The following HMGB1 variants were observed in gnomAD, a reference collection of about 807,000 sequenced individuals.
The protein encoded by HMGB1 is high mobility group protein B1.
For missense variants in HMGB1, 79 were observed against 253.5 expected (o/e 0.31, Z 4.67); for synonymous variants, 81 against 84.0 (o/e 0.96, Z 0.19).
intron 1 of HMGB1, among the ~76,000 whole-genome samples, chr13:30,546,601 A>G (rs1869170211): frequency 6.6e-6 from 1 of 152,162 alleles, no homozygotes; most frequent in South Asian, 2.1e-4. Context: ...CTCCCAGTTC[A>G]GCCTTCTGAG....
chr13:30,554,355 T>G, intron 1 of HMGB1: 1 of 854,360 alleles, frequency 1.2e-6, no homozygotes, highest in South Asian at 1.3e-5. Context: ...TTCTCTCTGG[T>G]AGACGCTTGT....
At chr13:30,490,203 A>G (rs1593272277) in intron 1 of HMGB1, among the ~76,000 whole-genome samples, 1 of 152,152 alleles carries the variant, frequency 6.6e-6, no homozygotes, top group Admixed American at 6.6e-5. Context: ...CAGGTATCCC[A>G]AATACTTTTT....
At chr13:30,538,479 TTTCTTTCTTTCTTTCTTTCTTTCTTTC>T in intron 1 of HMGB1, among the ~76,000 whole-genome samples, 1 of 32,312 alleles carries the variant, frequency 3.1e-5, no homozygotes, top group African/African-American at 9.3e-5. Context: ...TCTTTCTTTC[TTTCTTTCTTTCTTTCTTTCTTTCTTTC>T]TTTCCTTTCT....
At chr13:30,462,307 G>A (rs865784318) in intron 4 of HMGB1, 10 of 544,846 alleles carry the variant, frequency 1.8e-5, no homozygotes, top group Middle Eastern at 4.3e-4. Context: ...AGATACTGGG[G>A]AATAACAAAA....
intron 1 of HMGB1, among the ~76,000 whole-genome samples, chr13:30,557,354 C>T (rs77926271): frequency 9.2e-4 from 140 of 152,290 alleles, no homozygotes; most frequent in African/African-American, 3.2e-3. Context: ...TCCTCCTCAA[C>T]GCGAGTTCCA....
chr13:30,548,304 T>A (rs919664542), intron 1 of HMGB1, among the ~76,000 whole-genome samples: 1 of 152,136 alleles, frequency 6.6e-6, no homozygotes, highest in Non-Finnish European at 1.5e-5. Flanking sequence ...CCTGTCGCCA[T>A]GTAAAGAAAG....
intron 1 of HMGB1, among the ~76,000 whole-genome samples, chr13:30,522,063 C>G (rs1327544369): frequency 6.7e-6 from 1 of 150,166 alleles, no homozygotes; most frequent in Non-Finnish European, 1.5e-5. Flanking sequence ...CTGACTTGCT[C>G]AAGATAGCTT....
At chr13:30,538,672 C>CT (rs1555238874) in intron 1 of HMGB1, among the ~76,000 whole-genome samples, 3 of 17,570 alleles carry the variant, frequency 1.7e-4, no homozygotes, top group African/African-American at 2.3e-4. Context: ...TCCTTTCTTT[C>CT]TTTCTTTCTT....
intron 1 of HMGB1, among the ~76,000 whole-genome samples, chr13:30,538,664 CT>C (rs1459047420): frequency 1.1e-4 from 1 of 8,890 alleles, no homozygotes; most frequent in Non-Finnish European, 2.5e-4. Context: ...TCTTTCTTTC[CT>C]TTCTTTCTTT....
In HMGB1 at chr13:30,462,778, ACACTG is replaced by A; in HGVS notation, c.297-71_297-67del. On this transcript the variant is annotated intron_variant, in intron 3 of 4. Coordinates refer to ENST00000341423, the MANE Select transcript of HMGB1 (RefSeq NM_002128.7). ...CACAAAAACAAATACTATCAAGTGTACACTGCATTGCTATTTAAAGCTGCCTGTGA... is the reference window on the plus strand; with the variant it reads ...CACAAAAACAAATACTATCAAGTGTACATTGCTATTTAAAGCTGCCTGTGA... The A allele has an allele frequency of 2.3e-6, 3 of 1,305,348 alleles. No individual in the cohort carries two copies. The South Asian group carries it at 3.7e-5, about 16-fold the overall frequency. 80.9% of individuals were successfully genotyped at this position (1,305,348 alleles called of 1,614,324 possible).
intron 1 of HMGB1, among the ~76,000 whole-genome samples, chr13:30,537,486 T>C (rs1340801660): frequency 2.0e-5 from 3 of 151,856 alleles, no homozygotes; most frequent in East Asian, 1.9e-4. Context: ...TCCAGTACCA[T>C]AGATCAGATT....
intron 1 of HMGB1, among the ~76,000 whole-genome samples, chr13:30,528,756 C>T (rs866463990): frequency 1.3e-5 from 2 of 152,122 alleles, no homozygotes; most frequent in Middle Eastern, 3.4e-3. Context: ...GGGCCGGGCG[C>T]GGTGGCTCAC....
At chr13:30,610,948 A>C (rs1950507609) in intron 1 of HMGB1, among the ~76,000 whole-genome samples, 1 of 152,196 alleles carries the variant, frequency 6.6e-6, no homozygotes, top group African/African-American at 2.4e-5. Context: ...TTTTTATCTA[A>C]TGAATAATGT....
intron 1 of HMGB1, chr13:30,553,768 T>G (rs747806290): frequency 5.0e-6 from 7 of 1,389,614 alleles, no homozygotes; most frequent in Non-Finnish European, 7.1e-6. Context: ...CATGACTATC[T>G]TCATAGAGTG....
intron 1 of HMGB1, among the ~76,000 whole-genome samples, chr13:30,528,762 C>T (rs1182922704): frequency 6.6e-6 from 1 of 152,096 alleles, no homozygotes; most frequent in Non-Finnish European, 1.5e-5. Context: ...GGCGCGGTGG[C>T]TCACTCCTGT....
chr13:30,524,764 C>G (rs1466728681), intron 1 of HMGB1, among the ~76,000 whole-genome samples: 1 of 130,048 alleles, frequency 7.7e-6, no homozygotes. Context: ...CTAACTGAAA[C>G]TGGTATATGA....
Position 30,457,393 on chromosome 13 carries a change from A to AC in HMGB1, c.*3963dup, listed in dbSNP as rs968261103. On this transcript the variant is annotated 3_prime_UTR_variant, in exon 5 of 5. Coordinates refer to ENST00000341423, the MANE Select transcript of HMGB1 (RefSeq NM_002128.7). ...TCATACTATTGCAGATTTTATTCCT[A>AC]CTTCCTTCTTTTCAGTGGATGCCCA... 1.3e-5 allele frequency: 2 copies of AC among 152,128 alleles called. No individual in the cohort carries two copies. The highest frequency in any genetic ancestry group is 4.8e-5 in the African/African-American group (2 of 41,418). The allele number at this position is 152,128 out of a possible 1,614,324, so 9.4% of individuals were successfully genotyped here. A position where few individuals can be genotyped will look rare whatever the true frequency, so the allele number is the denominator to read the frequency against.
intron 1 of HMGB1, among the ~76,000 whole-genome samples, chr13:30,498,191 G>T (rs980803638): frequency 2.6e-5 from 4 of 152,060 alleles, no homozygotes; most frequent in African/African-American, 9.7e-5. Context: ...GTTTTGATTT[G>T]CATTTCTCTT....
chr13:30,537,705 T>A lies in HMGB1; in HGVS notation c.-14-74011A>T, dbSNP rs1441891717. Among the ~76,000 whole-genome samples the A allele has an allele frequency of 2.3e-3, 295 of 125,956 alleles. 4 individuals carry two copies. The highest frequency in any genetic ancestry group is 7.6e-3 in the African/African-American group (278 of 36,514). The allele number at this position is 125,956 out of a possible 152,430, so 82.6% of individuals were successfully genotyped here. On this transcript the variant is annotated intron_variant, in intron 1 of 4. Transcript: ENST00000405805. Reference sequence around the variant, plus strand: ...TATATATATATATATATAAAATTGATGTATCCAATGTTAATGAGGATGGAC... The same window carrying A: ...TATATATATATATATATAAAATTGAAGTATCCAATGTTAATGAGGATGGAC...
Sources: allele counts gnomAD v4.1 joint callset (sites outside exome capture counted in the v4.1 genomes callset), GRCh38; gene constraint gnomAD v4.1.1; transcripts MANE v1.5; gene names NCBI Gene and HGNC (gene_info 2026-07-23, HGNC 2026-07-21).